The following CACNA1A variants were observed in gnomAD, a reference collection of about 807,000 sequenced individuals.
CACNA1A encodes calcium voltage-gated channel subunit alpha1 A, also known as voltage-dependent P/Q-type calcium channel subunit alpha-1A.
A neutral mutation model predicts 262.4 loss-of-function variants in CACNA1A; 57 were observed. The observed-to-expected ratio is 0.22, with a 90% confidence interval of 0.18 to 0.27. The LOEUF (loss-of-function observed/expected upper bound fraction) is 0.27. Ranked by LOEUF, CACNA1A falls within the 10% of genes least tolerant of loss-of-function variation. The pLI is 1.00. For synonymous variants in CACNA1A, 1,431 were observed against 1,419.3 expected, an observed-to-expected ratio of 1.01 and a Z score of -0.18; for missense variants, 2,526 against 3,562.8, an observed-to-expected ratio of 0.71 and a Z score of 7.41.
intron 26 of CACNA1A, 83 bp from the exon 27 acceptor site, chr19:13,259,784 G>T: frequency 6.7e-7 from 1 of 1,490,154 alleles, no homozygotes; most frequent in Non-Finnish European, 9.2e-7. Flanking sequence ...GACAGGGGGA[G>T]GGAAAGGAAG....
intron 24 of CACNA1A, among the ~76,000 whole-genome samples, chr19:13,268,783 AG>A (rs1260082684): frequency 6.6e-6 from 1 of 151,710 alleles, no homozygotes; most frequent in African/African-American, 2.4e-5. Context: ...AAATATTCCA[AG>A]TGGATTCTCC....
At chr19:13,449,962 G>A (rs557741071) in intron 3 of CACNA1A, among the ~76,000 whole-genome samples, 55 of 152,086 alleles carry the variant, frequency 3.6e-4, no homozygotes, top group Non-Finnish European at 5.9e-4. Context: ...CCAACATGGC[G>A]TAAACCCGTC....
intron 3 of CACNA1A, among the ~76,000 whole-genome samples, chr19:13,373,868 T>C (rs979015386): frequency 6.6e-6 from 1 of 152,168 alleles, no homozygotes; most frequent in Non-Finnish European, 1.5e-5. Context: ...CCCTGCCCCA[T>C]GGAGCTGATG....
chr19:13,348,511 C>T (rs185015337), intron 6 of CACNA1A, among the ~76,000 whole-genome samples: 2 of 151,570 alleles, frequency 1.3e-5, no homozygotes, highest in Non-Finnish European at 2.9e-5. Context: ...GAGACCAGCC[C>T]GGCCAACATG....
intron 1 of CACNA1A, among the ~76,000 whole-genome samples, chr19:13,504,256 T>C (rs532865138): frequency 6.6e-6 from 1 of 152,266 alleles, no homozygotes; most frequent in Non-Finnish European, 1.5e-5. Context: ...GGTGAGGAAT[T>C]GCTAACCTTA....
At chr19:13,412,483 CTT>C (rs530607540) in intron 3 of CACNA1A, among the ~76,000 whole-genome samples, 3 of 145,092 alleles carry the variant, frequency 2.1e-5, no homozygotes, top group Non-Finnish European at 1.5e-5. Flanking sequence ...TTTTTCTTTT[CTT>C]TTTTTTTTTT....
At chr19:13,253,135 C>G in intron 29 of CACNA1A, 34 bp from the exon 30 acceptor site, 1 of 1,398,558 alleles carries the variant, frequency 7.2e-7, no homozygotes, top group East Asian at 2.3e-5. Context: ...CAGGGGTCAG[C>G]GAGCAGGGGT....
chr19:13,212,323 T>C lies in CACNA1A; in HGVS notation c.6189+61A>G. 1.3e-6 allele frequency: 2 copies of C among 1,596,806 alleles called. No homozygotes were observed. The highest frequency in any genetic ancestry group is 1.7e-6 in the Non-Finnish European group (2 of 1,166,724). On this transcript the variant is annotated intron_variant, in intron 42 of 46. Transcript: ENST00000360228. This position sits in a 1 kb window ranked among gnomAD's most constrained non-coding sequence, Gnocchi z 5.6. The stretch of plus-strand genomic sequence containing the variant: ...GGTGTGTGTGTGTGGGGGGCCCAGA[T>C]CCCTTCCACCTGAACCACCCGGGCC...
chr19:13,284,829 T>C (rs1430958708), intron 21 of CACNA1A, among the ~76,000 whole-genome samples: 1 of 152,242 alleles, frequency 6.6e-6, no homozygotes, highest in Non-Finnish European at 1.5e-5. Flanking sequence ...TGTTTATTTA[T>C]TGTCATAAAT....
intron 1 of CACNA1A, among the ~76,000 whole-genome samples, chr19:13,471,868 A>G (rs12985705): frequency 0.07 from 10,726 of 152,278 alleles, 553 homozygotes; most frequent in Non-Finnish European, 0.11. Context: ...AGCACTAGAA[A>G]GAGGTGGAGG....
intron 20 of CACNA1A, among the ~76,000 whole-genome samples, chr19:13,286,148 A>G (rs1024623838): frequency 6.6e-6 from 1 of 151,848 alleles, no homozygotes; most frequent in African/African-American, 2.4e-5. Context: ...CCTGTGTTAC[A>G]TTTCTTTTGG....
chr19:13,292,933 C>T (rs754838724), intron 19 of CACNA1A, among the ~76,000 whole-genome samples: 3 of 152,034 alleles, frequency 2.0e-5, no homozygotes, highest in South Asian at 2.1e-4. Flanking sequence ...ATGTCTCTCC[C>T]GGCCAGATTG....
intron 38 of CACNA1A, among the ~76,000 whole-genome samples, chr19:13,218,547 A>AGG (rs1387397461): frequency 1.3e-5 from 2 of 152,014 alleles, no homozygotes; most frequent in African/African-American, 4.8e-5. Flanking sequence ...ACCCTTCCCC[A>AGG]GATGCCCTTC....
chr19:13,483,433 TAA>T (rs1979608213), intron 1 of CACNA1A, among the ~76,000 whole-genome samples: 1 of 152,098 alleles, frequency 6.6e-6, no homozygotes, highest in Non-Finnish European at 1.5e-5. Flanking sequence ...CCCAACTCCA[TAA>T]AGTCATGTGA....
At chr19:13,433,065 G>A (rs901682197) in intron 3 of CACNA1A, among the ~76,000 whole-genome samples, 8 of 151,980 alleles carry the variant, frequency 5.3e-5, no homozygotes, top group African/African-American at 1.7e-4. Flanking sequence ...AGGCTGAGGT[G>A]GGCGGATCAC....
intron 24 of CACNA1A, 198 bp from the exon 25 acceptor site, chr19:13,263,031 G>A (rs565907653): frequency 1.0e-5 from 6 of 574,098 alleles, no homozygotes; most frequent in South Asian, 3.9e-5. Flanking sequence ...CAGTAAGTAC[G>A]TGGCTTTTTG....
At position 13,423,368 on chromosome 19, in the gene CACNA1A, A is replaced by G. The variant is rs367789815; in HGVS notation, c.539+29508T>C. ...CCTTAAATTCTGGCCAGGAATGGGG[A>G]CAAGTCACAGCACCCAGATCAGAGA... On this transcript the variant is annotated intron_variant, in intron 3 of 46. Transcript: ENST00000360228. 2.2e-4 allele frequency among the ~76,000 whole-genome samples: 33 copies of G among 152,314 alleles called. No homozygotes were observed. The East Asian group carries it at 6.0e-3, about 28-fold the overall frequency.
At chr19:13,370,321 G>A (rs916880790) in intron 4 of CACNA1A, among the ~76,000 whole-genome samples, 2 of 151,950 alleles carry the variant, frequency 1.3e-5, no homozygotes, top group African/African-American at 4.8e-5. Flanking sequence ...GGCAGGTCTC[G>A]AACTCCTGAC....
At position 13,208,164 on chromosome 19, in the gene CACNA1A, AGGGAGGAGGGGGAGG is replaced by A. The variant is rs1174083478; in HGVS notation, c.6781-126_6781-112del. 1.1e-3 allele frequency: 68 copies of A among 64,230 alleles called. 2 individuals are homozygous for A. The highest frequency in any genetic ancestry group is 4.4e-3 in the African/African-American group (55 of 12,424). The allele number at this position is 64,230 out of a possible 1,614,324, so 4.0% of individuals were successfully genotyped here. Reference sequence around the variant, plus strand: ...GCGAAGGGAGAGGGGCCGGGAGGAGAGGGAGGAGGGGGAGGGGGAGGAGGAGGAGGAGGAGGAGAG... The same window carrying A: ...GCGAAGGGAGAGGGGCCGGGAGGAGAGGGAGGAGGAGGAGGAGGAGGAGAG... On this transcript the variant is annotated intron_variant, in intron 46 of 46. Transcript: ENST00000360228.
Sources: gnomAD v4.1 joint callset for allele counts (sites outside exome capture counted in the v4.1 genomes callset) on GRCh38, gnomAD v4.1.1 for gene constraint, Gnocchi (gnomAD v3.1) non-coding constraint, MANE v1.5 for transcripts, NCBI Gene and HGNC (gene_info 2026-07-23, HGNC 2026-07-21) for gene names.